SOS2: variants seen among roughly 807,000 people sequenced by gnomAD.
SOS2 encodes son of sevenless homolog 2.
A neutral mutation model predicts 148.2 loss-of-function variants in SOS2; 65 were observed. The ratio of observed to expected loss-of-function variants is 0.44; its 90% CI spans 0.36 to 0.54. The LOEUF (loss-of-function observed/expected upper bound fraction) is 0.54, where lower values mean the gene tolerates loss of function less well. Among genes scored for constraint, SOS2 ranks in the 20% least tolerant of loss-of-function variants. The pLI, the probability that SOS2 is intolerant of heterozygous loss-of-function variation, is 0.00. For synonymous variants in SOS2, 539 were observed against 537.1 expected (o/e 1.00, Z -0.05); for missense variants, 1,341 against 1,590.2 (o/e 0.84, Z 2.67).
chr14:50,132,664 A>G (rs1459797583), intron 19 of SOS2, among the ~76,000 whole-genome samples: 2 of 152,148 alleles, frequency 1.3e-5, no homozygotes, highest in African/African-American at 4.8e-5. Flanking sequence ...CTGTCTCAAA[A>G]AAAACAAAAC....
At chr14:50,150,879 T>C (rs997885492) in intron 13 of SOS2, among the ~76,000 whole-genome samples, 2 of 152,142 alleles carry the variant, frequency 1.3e-5, no homozygotes, top group Non-Finnish European at 2.9e-5. Context: ...CACACTACCA[T>C]GCTTGGCTAA....
intron 9 of SOS2, 117 bp downstream of exon 9, chr14:50,161,365 G>T: frequency 1.3e-6 from 1 of 780,664 alleles, no homozygotes; most frequent in Non-Finnish European, 2.1e-6. Flanking sequence ...ATAAAAGTAT[G>T]ACAAGCACAA....
intron 13 of SOS2, among the ~76,000 whole-genome samples, chr14:50,150,986 G>A (rs925578071): frequency 3.3e-5 from 5 of 152,026 alleles, no homozygotes; most frequent in Non-Finnish European, 5.9e-5. Context: ...GCCTCTCAAA[G>A]TGCTGGGATT....
chr14:50,145,620 A>C, intron 14 of SOS2, 24 bp from the exon 15 acceptor site: 1 of 1,479,190 alleles, frequency 6.8e-7, no homozygotes, highest in East Asian at 2.3e-5. Flanking sequence ...AATCAGTGCA[A>C]CTTAACCTAT....
chr14:50,224,314 TACACACACACACACACACACACACACAC>T (rs71118856), intron 1 of SOS2, among the ~76,000 whole-genome samples: 1 of 101,020 alleles, frequency 9.9e-6, no homozygotes, highest in Non-Finnish European at 1.8e-5. Flanking sequence ...AATATATATA[TACACACACACACACACACACACACACAC>T]ACACACACAC....
intron 6 of SOS2, among the ~76,000 whole-genome samples, chr14:50,181,538 C>A (rs903474063): frequency 2.6e-5 from 4 of 151,174 alleles, no homozygotes; most frequent in African/African-American, 9.7e-5. Context: ...GGAAAAAACT[C>A]TACAACCTAT....
intron 6 of SOS2, 71 bp from the exon 7 acceptor site, chr14:50,180,753 T>C (rs2139702754): frequency 3.6e-6 from 3 of 843,718 alleles, no homozygotes; most frequent in East Asian, 2.8e-5. Flanking sequence ...GTACAGATTA[T>C]TATCACTTGA....
At chr14:50,157,681 A>G (rs1884862879) in intron 11 of SOS2, among the ~76,000 whole-genome samples, 1 of 152,174 alleles carries the variant, frequency 6.6e-6, no homozygotes, top group African/African-American at 2.4e-5. Flanking sequence ...ACACTGACTC[A>G]GTCTGGTAAA....
chr14:50,169,124 C>A (rs940914482), intron 8 of SOS2, among the ~76,000 whole-genome samples: 1 of 151,638 alleles, frequency 6.6e-6, no homozygotes, highest in African/African-American at 2.4e-5. Context: ...CTAGCCTGAC[C>A]AACATGGTGA....
At chr14:50,147,821 A>T (rs1269356333) in intron 14 of SOS2, among the ~76,000 whole-genome samples, 1 of 152,214 alleles carries the variant, frequency 6.6e-6, no homozygotes, top group Admixed American at 6.5e-5. Context: ...AGTGAGTCAG[A>T]ATACACAATT....
chr14:50,187,698 T>C (rs528671232), intron 5 of SOS2, among the ~76,000 whole-genome samples: 94 of 152,250 alleles, frequency 6.2e-4, no homozygotes, highest in Middle Eastern at 6.8e-3. Context: ...CATGGAAAAA[T>C]AAATCATGTG....
intron 1 of SOS2, among the ~76,000 whole-genome samples, chr14:50,225,974 A>T (rs1887358664): frequency 6.6e-6 from 1 of 151,532 alleles, no homozygotes; most frequent in Non-Finnish European, 1.5e-5. Context: ...CAAACAAATC[A>T]TGTTCTTACT....
intron 18 of SOS2, among the ~76,000 whole-genome samples, chr14:50,136,967 A>G (rs1480080177): frequency 6.6e-6 from 1 of 152,156 alleles, no homozygotes. Context: ...ACCGGGAACA[A>G]AGAAGTTTCT....
At chr14:50,146,395 G>C (rs1884473086) in intron 14 of SOS2, among the ~76,000 whole-genome samples, 1 of 152,180 alleles carries the variant, frequency 6.6e-6, no homozygotes, top group Non-Finnish European at 1.5e-5. Context: ...TGTAATCCCA[G>C]CACTTTGGGA....
chr14:50,224,131 A>T (rs1381035688), intron 1 of SOS2, among the ~76,000 whole-genome samples: 2 of 151,326 alleles, frequency 1.3e-5, no homozygotes, highest in Admixed American at 6.6e-5. Flanking sequence ...AAAAATATAA[A>T]AAAAAAAAAA....
intron 18 of SOS2, among the ~76,000 whole-genome samples, chr14:50,135,071 C>CAAAAAAAAAA (rs746540364): frequency 4.4e-4 from 25 of 57,414 alleles, no homozygotes; most frequent in East Asian, 5.8e-4. Context: ...GAGACTGTCT[C>CAAAAAAAAAA]AAAAAAAAAA....
intron 4 of SOS2, among the ~76,000 whole-genome samples, chr14:50,197,328 C>T (rs757867513): frequency 6.6e-6 from 1 of 152,128 alleles, no homozygotes; most frequent in Non-Finnish European, 1.5e-5. Flanking sequence ...GATGAAAAGC[C>T]TGGCAGATAA....
intron 6 of SOS2, 92 bp from the exon 7 acceptor site, chr14:50,180,774 T>A (rs1306010368): frequency 1.5e-6 from 1 of 683,144 alleles, no homozygotes; most frequent in Non-Finnish European, 2.4e-6. Flanking sequence ...TCCCAGGAGT[T>A]CGAGGTTACA....
chr14:50,155,527 G>T (rs1407264864), intron 12 of SOS2, among the ~76,000 whole-genome samples: 1 of 152,104 alleles, frequency 6.6e-6, no homozygotes, highest in African/African-American at 2.4e-5. Flanking sequence ...TCTCCAAGAT[G>T]CCTTCCCTAA....
Sources: allele counts gnomAD v4.1 joint callset (sites outside exome capture counted in the v4.1 genomes callset), GRCh38; gene constraint gnomAD v4.1.1; transcripts MANE v1.5; gene names NCBI Gene and HGNC (gene_info 2026-07-23, HGNC 2026-07-21).